The following EXPH5 variants were observed in gnomAD, a reference collection of about 807,000 sequenced individuals.
The protein encoded by EXPH5 is exophilin 5, also known as exophilin-5.
A neutral mutation model predicts 41.1 loss-of-function variants in EXPH5; 42 were observed. The observed-to-expected ratio is 1.02, with a 90% CI of 0.80 to 1.32. The LOEUF is 1.32. EXPH5 is among the 40% of genes most tolerant of loss of function. EXPH5 has a pLI of 0.00. For missense variants in EXPH5, 2,298 were observed against 2,314.5 expected, an observed-to-expected ratio of 0.99 and a Z score of 0.15; for synonymous variants, 798 against 833.5, an observed-to-expected ratio of 0.96 and a Z score of 0.73.
chr11:108,541,856 T>C, intron 1 of EXPH5, 44 bp from the exon 2 acceptor site: 3 of 1,453,464 alleles, frequency 2.1e-6, no homozygotes, highest in Non-Finnish European at 2.8e-6. Context: ...TTTATTTTCT[T>C]AACATCAAGC....
At chr11:108,602,357 A>G in the EXPH5 span, among the ~76,000 whole-genome samples, 2 of 152,076 alleles carry the variant, frequency 1.3e-5, no homozygotes, top group African/African-American at 4.8e-5. Flanking sequence ...TTTTCAGTTT[A>G]ATTTCCTCCA....
chr11:108,528,877 A>G (rs1373175028), intron 3 of EXPH5, among the ~76,000 whole-genome samples: 2 of 151,028 alleles, frequency 1.3e-5, no homozygotes, highest in Non-Finnish European at 3.0e-5. Flanking sequence ...TAATTTTTGT[A>G]TTTTTAGTAG....
At position 108,512,329 on chromosome 11, in the gene EXPH5, C is replaced by T; in HGVS notation, c.3178G>A (p.Asp1060Asn). The T allele has an allele frequency of 6.2e-7, 1 of 1,613,048 alleles. No individual in the cohort carries two copies. Among genetic ancestry groups the T allele is most frequent in the Non-Finnish European group, 8.5e-7 (1 of 1,179,696 alleles). ...PPFQIKNNVE[D>N]AMGNYMLNKF... ...TTTAACATATAGTTCCCCATTGCAT[C>T]TTCCACATTATTTTTGATTTGGAAG... Residue 1060 changes from aspartate (D) to asparagine (N), a missense_variant, in exon 6 of 6, where the codon GAT (aspartate) becomes AAT (asparagine). Transcript: ENST00000265843.
intron 1 of EXPH5, among the ~76,000 whole-genome samples, chr11:108,587,482 A>G (rs2094116716): frequency 1.3e-5 from 2 of 152,226 alleles, no homozygotes; most frequent in Admixed American, 1.3e-4. Context: ...GAGGCTCTCC[A>G]TCCCTGAAAT....
At chr11:108,550,379 T>G (rs966133339) in intron 1 of EXPH5, among the ~76,000 whole-genome samples, 12 of 152,196 alleles carry the variant, frequency 7.9e-5, no homozygotes, top group Non-Finnish European at 1.8e-4. Context: ...GCTGTCATAG[T>G]GGTGCCCAAT....
intron 3 of EXPH5, among the ~76,000 whole-genome samples, chr11:108,529,840 G>T (rs946513438): frequency 7.0e-6 from 1 of 143,610 alleles, no homozygotes; most frequent in Non-Finnish European, 1.5e-5. Flanking sequence ...GCAAAACTCT[G>T]TCTCAAAAAA....
intron 1 of EXPH5, among the ~76,000 whole-genome samples, chr11:108,581,199 G>A (rs2846417): frequency 0.42 from 63,765 of 151,978 alleles, 14,391 homozygotes; most frequent in Non-Finnish European, 0.49. Flanking sequence ...AGCTACTAGG[G>A]AGGCTGAGGT....
At chr11:108,588,792 A>G (rs2094120517) in intron 1 of EXPH5, among the ~76,000 whole-genome samples, 1 of 152,234 alleles carries the variant, frequency 6.6e-6, no homozygotes. Context: ...ACTAAGCTTA[A>G]AAAGAACACT....
intron 5 of EXPH5, 146 bp downstream of exon 5, chr11:108,518,089 G>A: frequency 1.5e-6 from 1 of 652,436 alleles, no homozygotes. Context: ...TAACATATCA[G>A]CATCCTCTTC....
intron 2 of EXPH5, among the ~76,000 whole-genome samples, chr11:108,539,918 T>A (rs1210314079): frequency 1.3e-5 from 2 of 152,198 alleles, no homozygotes; most frequent in Non-Finnish European, 2.9e-5. Flanking sequence ...ATACTTATAG[T>A]CCCAAACATG....
At position 108,514,342 on chromosome 11, in the gene EXPH5, G is replaced by A. The variant is rs1242715935; in HGVS notation, c.1165C>T (p.Leu389=). ...SRDRENQEEF[L]RAPSPMEIDP... ...ATTTCCATTGGTGATGGTGCCCTCA[G>A]GAACTCTTCCTGGTTCTCCCTGTCT... The change falls in exon 6 of 6, where the codon CTG becomes TTG. Residue 389 remains leucine, a synonymous_variant. Transcript: ENST00000265843. The A allele has an allele frequency of 6.2e-7, 1 of 1,613,458 alleles. No homozygotes were observed. Among genetic ancestry groups the A allele is most frequent in the Non-Finnish European group, 8.5e-7 (1 of 1,179,708 alleles).
chr11:108,556,755 TGA>T (rs1331184869), intron 1 of EXPH5, among the ~76,000 whole-genome samples: 4 of 152,176 alleles, frequency 2.6e-5, no homozygotes, highest in Non-Finnish European at 4.4e-5. Flanking sequence ...GGTTACAGGC[TGA>T]GTCATCAGGC....
chr11:108,582,060 G>A (rs368511323), intron 1 of EXPH5, among the ~76,000 whole-genome samples: 9 of 152,198 alleles, frequency 5.9e-5, no homozygotes, highest in South Asian at 2.1e-4. Flanking sequence ...TTTACCAATC[G>A]TTTAAGGAAG....
intron 1 of EXPH5, among the ~76,000 whole-genome samples, chr11:108,575,470 TA>T (rs1239884570): frequency 6.6e-6 from 1 of 152,332 alleles, no homozygotes; most frequent in African/African-American, 2.4e-5. Flanking sequence ...CAGTGTTACT[TA>T]ATGTAGCAAT....
chr11:108,535,543 G>T (rs1450402063), intron 3 of EXPH5, among the ~76,000 whole-genome samples: 1 of 152,160 alleles, frequency 6.6e-6, no homozygotes, highest in Non-Finnish European at 1.5e-5. Context: ...ACACAGTGGG[G>T]CATTTGGAAG....
At chr11:108,556,799 T>C (rs1646321362) in intron 1 of EXPH5, among the ~76,000 whole-genome samples, 1 of 151,956 alleles carries the variant, frequency 6.6e-6, no homozygotes, top group African/African-American at 2.4e-5. Context: ...GAACATGATT[T>C]TTTGTAAATG....
In EXPH5 at chr11:108,533,201, T is replaced by C. The variant is rs1565801626; in HGVS notation, c.444-5017A>G. On this transcript the variant is annotated intron_variant, in intron 3 of 5. Coordinates refer to ENST00000265843, the MANE Select transcript of EXPH5 (RefSeq NM_015065.3). ...TTCATTTGTTAGGTTCTCATGAGTC[T>C]ACATTCTATTTTTTTTTTTGGAGAT... Among the ~76,000 whole-genome samples, 5 of 141,042 alleles carry C rather than the reference T, an allele frequency of 3.5e-5. No individual in the cohort carries two copies. In the South Asian group the frequency reaches 1.1e-3, roughly 32 times the overall value. The allele number at this position is 141,042 out of a possible 152,430, so 92.5% of individuals were successfully genotyped here. A position where few individuals can be genotyped will look rare whatever the true frequency, so the allele number is the denominator to read the frequency against.
chr11:108,510,741 G>T lies in EXPH5; in HGVS notation c.4766C>A (p.Ser1589Tyr), dbSNP rs140045378. 723 of 1,614,176 alleles carry T rather than the reference G, an allele frequency of 4.5e-4. 3 individuals carry two copies. In the South Asian group the frequency reaches 6.8e-3, roughly 15 times the overall value. Residue 1589 changes from serine (S) to tyrosine (Y), a missense_variant, in exon 6 of 6, where the codon TCT becomes TAT. Physicochemically the swap from Ser to Tyr is moderately radical, Grantham distance 144. Transcript: ENST00000265843. ...GGCTGCCAATCTGTGTTTAACTGAA[G>T]ATCTATTTTCCCCCTTTACTAGGTC... ...LDDLVKGENR[S>Y]SVKHRLAAMS...
chr11:108,534,657 G>C (rs2093867378), intron 3 of EXPH5, among the ~76,000 whole-genome samples: 1 of 152,210 alleles, frequency 6.6e-6, no homozygotes, highest in South Asian at 2.1e-4. Flanking sequence ...TCTAGTCTGA[G>C]TTAAGTGGTT....
Sources: gnomAD v4.1 joint callset for allele counts (sites outside exome capture counted in the v4.1 genomes callset) on GRCh38, gnomAD v4.1.1 for gene constraint, MANE v1.5 for transcripts, NCBI Gene and HGNC (gene_info 2026-07-23, HGNC 2026-07-21) for gene names.